The following TRPC4 variants were observed in gnomAD, a reference collection of about 807,000 sequenced individuals.
TRPC4 encodes the protein short transient receptor potential channel 4.
In TRPC4, 49 loss-of-function variants were observed where a neutral mutation model predicts 99.4. The observed-to-expected ratio is 0.49, with a 90% confidence interval of 0.39 to 0.63. TRPC4 has a LOEUF of 0.63. Among genes scored for constraint, TRPC4 ranks in the 20% least tolerant of loss-of-function variants. The pLI, the probability that TRPC4 is intolerant of heterozygous loss-of-function variation, is 0.00. For synonymous variants in TRPC4, 454 were observed against 425.9 expected, an observed-to-expected ratio of 1.07 and a Z score of -0.81; for missense variants, 898 against 1,152.9, an observed-to-expected ratio of 0.78 and a Z score of 3.20.
At chr13:37,790,755 C>G (rs146336265) in intron 1 of TRPC4, among the ~76,000 whole-genome samples, 29 of 152,208 alleles carry the variant, frequency 1.9e-4, no homozygotes, top group Non-Finnish European at 3.2e-4. Context: ...TATCCTCCCC[C>G]CTTTGGTGAC....
Position 37,636,727 on chromosome 13 carries a change from C to CA in TRPC4, c.*175dup. On this transcript the variant is annotated 3_prime_UTR_variant, in exon 11 of 11. Transcript: ENST00000379705. ...GTGAAAGCAAAAGCAGGCTACAAAA[C>CA]AAAAAGGTTTTTGATTGCCTTTGCC... The CA allele has an allele frequency of 1.3e-6, 1 of 795,856 alleles. No homozygotes were observed. Among genetic ancestry groups the CA allele is most frequent in the African/African-American group, 1.8e-5 (1 of 56,410 alleles). 49.3% of individuals were successfully genotyped at this position (795,856 alleles called of 1,614,324 possible).
At chr13:37,705,884 G>A (rs548533194) in intron 3 of TRPC4, among the ~76,000 whole-genome samples, 5 of 152,130 alleles carry the variant, frequency 3.3e-5, no homozygotes, top group African/African-American at 7.2e-5. Flanking sequence ...CTTCCTCACC[G>A]TTACAGGTTT....
intron 1 of TRPC4, among the ~76,000 whole-genome samples, chr13:37,863,696 T>C (rs1015587741): frequency 1.8e-4 from 27 of 151,796 alleles, no homozygotes; most frequent in Non-Finnish European, 3.5e-4. Context: ...TAAATCATGA[T>C]AGATTCTCTG....
At chr13:37,843,262 T>C (rs1378402739) in intron 1 of TRPC4, among the ~76,000 whole-genome samples, 2 of 152,230 alleles carry the variant, frequency 1.3e-5, no homozygotes, top group African/African-American at 4.8e-5. Flanking sequence ...TCATTCAGCA[T>C]AGGGCCAACC....
chr13:37,637,299 C>T lies in TRPC4; in HGVS notation c.2538G>A (p.Gly846=). The T allele has an allele frequency of 6.2e-7, 1 of 1,613,826 alleles. No homozygotes were observed. Among genetic ancestry groups the T allele is most frequent in the African/African-American group, 1.3e-5 (1 of 75,008 alleles). The change falls in exon 11 of 11, where the codon GGG becomes GGA. Residue 846 remains glycine (G), a synonymous_variant. Coordinates refer to ENST00000379705, the MANE Select transcript of TRPC4 (RefSeq NM_016179.4). ...VNFVTDIKNF[G]LFHRRSKQNA... Reference sequence around the variant, plus strand: ...TTTGTTTTGATCGTCTATGAAATAACCCAAAGTTTTTGATATCGGTCACAA... The same window carrying T: ...TTTGTTTTGATCGTCTATGAAATAATCCAAAGTTTTTGATATCGGTCACAA...
intron 1 of TRPC4, among the ~76,000 whole-genome samples, chr13:37,836,414 C>T (rs1958567378): frequency 6.6e-6 from 1 of 152,120 alleles, no homozygotes; most frequent in African/African-American, 2.4e-5. Flanking sequence ...TCCCTAGAGG[C>T]TCGTTGAATG....
chr13:37,815,766 C>A (rs890339275), intron 1 of TRPC4, among the ~76,000 whole-genome samples: 11 of 151,662 alleles, frequency 7.3e-5, no homozygotes, highest in Non-Finnish European at 4.4e-5. Context: ...ATCAAACAGG[C>A]CTGACAAACA....
chr13:37,822,274 G>GT (rs887569331), intron 1 of TRPC4, among the ~76,000 whole-genome samples: 33 of 134,464 alleles, frequency 2.5e-4, no homozygotes, highest in South Asian at 2.2e-3. Context: ...AATCAGAATG[G>GT]TTTTTTTTTT....
chr13:37,686,088 C>T (rs17056438), intron 4 of TRPC4, among the ~76,000 whole-genome samples: 18,049 of 152,018 alleles, frequency 0.12, 1,140 homozygotes, highest in East Asian at 0.27. Context: ...TTGAGCACCA[C>T]GACAAGGGAG....
rs74687778 is a variant in TRPC4 at position 37,829,927 on chromosome 13, C to A, written c.-28+39668G>T. Among the ~76,000 whole-genome samples the A allele has an allele frequency of 6.5e-3, 988 of 152,150 alleles. 14 individuals carry two copies. Among genetic ancestry groups the A allele is most frequent in the African/African-American group, 0.023 (937 of 41,514 alleles). On this transcript the variant is annotated intron_variant, in intron 1 of 10. Coordinates refer to ENST00000379705, the MANE Select transcript of TRPC4 (RefSeq NM_016179.4). ...TGTTATTCCATTTATATGAAATACA[C>A]AAAATAGGTAAATCCATGGGAAAAG...
In TRPC4 at chr13:37,774,520, A is replaced by G. The variant is rs539469226; in HGVS notation, c.378+8436T>C. Reference sequence around the variant, plus strand: ...TTATTTATTTATTTTTTAAACTTTTATGTTCTGGGGTACAAGTGGAGATAA... The same window carrying G: ...TTATTTATTTATTTTTTAAACTTTTGTGTTCTGGGGTACAAGTGGAGATAA... On this transcript the variant is annotated intron_variant, in intron 2 of 10. Coordinates refer to ENST00000379705, the MANE Select transcript of TRPC4 (RefSeq NM_016179.4). 3.3e-5 allele frequency among the ~76,000 whole-genome samples: 5 copies of G among 151,874 alleles called. No individual in the cohort carries two copies. In the East Asian group the frequency reaches 9.7e-4, roughly 30 times the overall value.
At chr13:37,854,238 A>C (rs542469383) in intron 1 of TRPC4, among the ~76,000 whole-genome samples, 1 of 152,192 alleles carries the variant, frequency 6.6e-6, no homozygotes, top group Non-Finnish European at 1.5e-5. Flanking sequence ...CAGACTTTTC[A>C]GTGAAAACCT....
chr13:37,852,466 G>T (rs368380474), intron 1 of TRPC4, among the ~76,000 whole-genome samples: 24 of 152,160 alleles, frequency 1.6e-4, no homozygotes, highest in African/African-American at 5.8e-4. Flanking sequence ...AACCTGCAAC[G>T]ATCCCCAGAG....
intron 3 of TRPC4, among the ~76,000 whole-genome samples, chr13:37,730,336 T>C (rs1955203368): frequency 6.6e-6 from 1 of 152,164 alleles, no homozygotes; most frequent in African/African-American, 2.4e-5. Context: ...AATAATACTT[T>C]TTCAAGAGCT....
chr13:37,651,014 A>T (rs562800890), intron 8 of TRPC4, among the ~76,000 whole-genome samples: 1 of 152,324 alleles, frequency 6.6e-6, no homozygotes, highest in South Asian at 2.1e-4. Context: ...GCAGAACTCA[A>T]GGAGGGCTGT....
At chr13:37,814,860 C>T (rs181099177) in intron 1 of TRPC4, among the ~76,000 whole-genome samples, 183 of 151,690 alleles carry the variant, frequency 1.2e-3, no homozygotes, top group African/African-American at 4.1e-3. Context: ...TCCAAGGGAA[C>T]CAGACAAGCC....
chr13:37,657,507 T>C (rs1347268491), intron 6 of TRPC4, among the ~76,000 whole-genome samples: 1 of 152,248 alleles, frequency 6.6e-6, no homozygotes, highest in Non-Finnish European at 1.5e-5. Flanking sequence ...AATTGTATTC[T>C]TTCTTTCCAA....
At chr13:37,723,429 T>A (rs1954939382) in intron 3 of TRPC4, among the ~76,000 whole-genome samples, 1 of 152,198 alleles carries the variant, frequency 6.6e-6, no homozygotes, top group South Asian at 2.1e-4. Flanking sequence ...ATGTTATTCA[T>A]TAAGCTAATA....
intron 1 of TRPC4, among the ~76,000 whole-genome samples, chr13:37,810,488 C>T (rs774182654): frequency 3.6e-4 from 55 of 151,896 alleles, no homozygotes; most frequent in Non-Finnish European, 7.4e-4. Context: ...TAGATCAAAA[C>T]AATTAGACAC....
Sources: gnomAD v4.1 joint callset for allele counts (sites outside exome capture counted in the v4.1 genomes callset) on GRCh38, gnomAD v4.1.1 for gene constraint, MANE v1.5 for transcripts, NCBI Gene and HGNC (gene_info 2026-07-23, HGNC 2026-07-21) for gene names.